Variants in KCNIP4 observed in about 807,000 individuals in gnomAD.
KCNIP4 encodes the protein potassium voltage-gated channel interacting protein 4.
Under a neutral mutation model 34.0 loss-of-function variants are expected in KCNIP4, and 12 were observed. That is an observed-to-expected ratio of 0.35 (90% CI 0.23 to 0.57). KCNIP4 has a LOEUF of 0.57. Ranked by LOEUF, KCNIP4 falls within the 20% of genes least tolerant of loss-of-function variation. The pLI is 0.83. For synonymous variants in KCNIP4, 124 were observed against 102.2 expected (o/e 1.21, Z -1.29); for missense variants, 238 against 311.7 (o/e 0.76, Z 1.78).
intron 1 of KCNIP4, among the ~76,000 whole-genome samples, chr4:21,811,286 ATC>A (rs1474941224): frequency 6.6e-6 from 1 of 152,200 alleles, no homozygotes; most frequent in African/African-American, 2.4e-5. Context: ...AAAACCCAAC[ATC>A]TGATTATTCC....
intron 1 of KCNIP4, among the ~76,000 whole-genome samples, chr4:21,522,675 T>G (rs1044562527): frequency 6.6e-6 from 1 of 152,022 alleles, no homozygotes; most frequent in African/African-American, 2.4e-5. Context: ...TGGAGATAAA[T>G]CCTACCTCTA....
In KCNIP4 at chr4:21,147,063, GA is replaced by G. The variant is rs564104560; in HGVS notation, c.62-264355del. On this transcript the variant is annotated intron_variant, in intron 1 of 8. Coordinates refer to ENST00000382152, the MANE Select transcript of KCNIP4 (RefSeq NM_025221.6). ...GCTCTCCGTCCTGGGAGGTGGACCA[GA>G]AGGGTTAAAAAGTGCCTGTGTCCTC... Among the ~76,000 whole-genome samples the G allele has an allele frequency of 1.1e-3, 174 of 152,286 alleles. 1 individual carries two copies. Among genetic ancestry groups the G allele is most frequent in the Middle Eastern group, 3.4e-3 (1 of 294 alleles).
At chr4:21,362,088 G>A (rs1719293096) in intron 1 of KCNIP4, among the ~76,000 whole-genome samples, 1 of 152,050 alleles carries the variant, frequency 6.6e-6, no homozygotes, top group Non-Finnish European at 1.5e-5. Flanking sequence ...GAGAAGGCTG[G>A]GATATGCTCT....
intron 1 of KCNIP4, among the ~76,000 whole-genome samples, chr4:21,509,663 C>G (rs1229110695): frequency 6.6e-6 from 1 of 152,172 alleles, no homozygotes; most frequent in Non-Finnish European, 1.5e-5. Flanking sequence ...GACTTAATGC[C>G]TACATAGCAT....
chr4:21,944,326 T>C (rs1730371204), intron 1 of KCNIP4, among the ~76,000 whole-genome samples: 1 of 151,860 alleles, frequency 6.6e-6, no homozygotes, highest in African/African-American at 2.4e-5. Context: ...GGAGGATCAC[T>C]TGAGGTCAGG....
intron 1 of KCNIP4, among the ~76,000 whole-genome samples, chr4:21,609,764 T>C (rs1037431122): frequency 1.3e-5 from 2 of 152,186 alleles, no homozygotes; most frequent in African/African-American, 4.8e-5. Flanking sequence ...TACAAACTGA[T>C]AGGAGAGCAA....
intron 1 of KCNIP4, among the ~76,000 whole-genome samples, chr4:21,574,597 T>A (rs891529432): frequency 3.3e-5 from 5 of 151,996 alleles, no homozygotes; most frequent in Non-Finnish European, 7.4e-5. Flanking sequence ...AGGTGAAAAA[T>A]TAAAGAAGGA....
intron 1 of KCNIP4, among the ~76,000 whole-genome samples, chr4:21,442,456 T>C (rs1284021645): frequency 1.3e-5 from 2 of 152,170 alleles, no homozygotes; most frequent in South Asian, 2.1e-4. Flanking sequence ...CTACCTTGAA[T>C]TTGTCTAGTC....
intron 1 of KCNIP4, among the ~76,000 whole-genome samples, chr4:21,758,364 G>C (rs1717809412): frequency 6.6e-6 from 1 of 152,192 alleles, no homozygotes; most frequent in African/African-American, 2.4e-5. Context: ...GTGGGAGAGT[G>C]CATGTTTGGA....
intron 1 of KCNIP4, among the ~76,000 whole-genome samples, chr4:21,339,729 A>T (rs1197691112): frequency 6.6e-6 from 1 of 152,124 alleles, no homozygotes; most frequent in African/African-American, 2.4e-5. Context: ...CCAGAAAAGC[A>T]ATGGAGAAAC....
intron 1 of KCNIP4, among the ~76,000 whole-genome samples, chr4:21,895,601 C>G (rs1727339825): frequency 6.6e-6 from 1 of 152,130 alleles, no homozygotes; most frequent in Admixed American, 6.5e-5. Context: ...TAGGACCTAG[C>G]AGAACATAAA....
At chr4:21,281,149 C>T (rs1462134751) in intron 1 of KCNIP4, among the ~76,000 whole-genome samples, 19 of 148,056 alleles carry the variant, frequency 1.3e-4, no homozygotes, top group African/African-American at 4.3e-4. Flanking sequence ...TGCAGTGGCG[C>T]GATCTTGGCT....
Position 20,922,150 on chromosome 4 carries a change from A to G in KCNIP4, c.62-39441T>C, listed in dbSNP as rs190827077. On this transcript the variant is annotated intron_variant, in intron 1 of 8. Transcript: ENST00000382152. The stretch of plus-strand genomic sequence containing the variant: ...CTTGGTTACTGTGATGGTTAACTTT[A>G]TATGTCAACTTGACTGGCCTAAGAG... Among the ~76,000 whole-genome samples the G allele has an allele frequency of 5.1e-4, 77 of 152,276 alleles. 2 individuals carry two copies. The highest frequency in any genetic ancestry group is 2.9e-4 in the Non-Finnish European group (20 of 68,020).
chr4:21,233,420 C>T (rs1239684971), intron 1 of KCNIP4, among the ~76,000 whole-genome samples: 3 of 151,874 alleles, frequency 2.0e-5, no homozygotes, highest in Non-Finnish European at 4.4e-5. Flanking sequence ...GAAGATAATA[C>T]GAGGCATTAA....
intron 1 of KCNIP4, among the ~76,000 whole-genome samples, chr4:21,519,462 GTGTGTATGTGTATGTGTATATACACATA>G (rs1735141306): frequency 9.9e-6 from 1 of 100,802 alleles, no homozygotes; most frequent in Non-Finnish European, 2.1e-5. Flanking sequence ...ATACACATAT[GTGTGTATGTGTATGTGTATATACACATA>G]TGTGTGTATG....
intron 1 of KCNIP4, among the ~76,000 whole-genome samples, chr4:21,498,036 G>A (rs1367766299): frequency 6.6e-6 from 1 of 152,008 alleles, no homozygotes; most frequent in African/African-American, 2.4e-5. Flanking sequence ...CCTTCAGAAA[G>A]CCCTGGCTTC....
rs367967093 is a variant in KCNIP4, at chr4:21,607,165, T to A, written c.61+341406A>T. 2.5e-4 allele frequency among the ~76,000 whole-genome samples: 38 copies of A among 152,212 alleles called. No individual in the cohort carries two copies. The South Asian group carries it at 6.2e-3, about 25-fold the overall frequency. ...GTGTCTGGAGCCATATTGTCTAGAT[T>A]CAATCCCAATGCCACCACATACTAA... On this transcript the variant is annotated intron_variant, in intron 1 of 8. Transcript: ENST00000382152.
At chr4:20,960,552 G>A (rs1733749486) in intron 1 of KCNIP4, among the ~76,000 whole-genome samples, 1 of 152,188 alleles carries the variant, frequency 6.6e-6, no homozygotes, top group South Asian at 2.1e-4. Flanking sequence ...CTCATGCACA[G>A]GGAGTGGGAA....
chr4:21,256,961 T>C (rs571882264), intron 1 of KCNIP4, among the ~76,000 whole-genome samples: 22 of 152,306 alleles, frequency 1.4e-4, no homozygotes, highest in Non-Finnish European at 3.1e-4. Flanking sequence ...ATTTTACCTA[T>C]CAGAATTTAT....
Sources: gnomAD v4.1 joint callset for allele counts (sites outside exome capture counted in the v4.1 genomes callset) on GRCh38, gnomAD v4.1.1 for gene constraint, MANE v1.5 for transcripts, NCBI Gene and HGNC (gene_info 2026-07-23, HGNC 2026-07-21) for gene names.